The following USP40 variants were observed in gnomAD, a reference collection of about 807,000 sequenced individuals.
USP40 encodes the protein ubiquitin carboxyl-terminal hydrolase 40.
USP40 carries 143 observed loss-of-function variants against 166.2 expected under a neutral mutation model. That is an observed-to-expected ratio of 0.86 (90% CI 0.75 to 0.99). The LOEUF is 0.99. Ranked by LOEUF, USP40 falls within the 50% of genes least tolerant of loss-of-function variation. USP40 has a pLI of 0.00. For synonymous variants in USP40, 498 were observed against 524.0 expected, an observed-to-expected ratio of 0.95 and a Z score of 0.68; for missense variants, 1,444 against 1,479.7, an observed-to-expected ratio of 0.98 and a Z score of 0.40.
At chr2:233,524,956 T>G (rs1349449313) in intron 14 of USP40, among the ~76,000 whole-genome samples, 2 of 152,226 alleles carry the variant, frequency 1.3e-5, no homozygotes, top group East Asian at 3.8e-4. Flanking sequence ...TTTATGAAAA[T>G]CAAGTGAGAT....
At chr2:233,503,747 C>A (rs774564711) in intron 21 of USP40, among the ~76,000 whole-genome samples, 1 of 152,064 alleles carries the variant, frequency 6.6e-6, no homozygotes, top group Non-Finnish European at 1.5e-5. Flanking sequence ...ACCACTAGAC[C>A]AATCTTACAA....
chr2:233,557,952 C>T (rs2071244365), intron 4 of USP40, among the ~76,000 whole-genome samples: 1 of 131,786 alleles, frequency 7.6e-6, no homozygotes, highest in East Asian at 2.4e-4. Context: ...CTGCAGTGAG[C>T]TATGATCATG....
At chr2:233,548,458 G>A (rs906300115) in intron 8 of USP40, among the ~76,000 whole-genome samples, 1 of 152,046 alleles carries the variant, frequency 6.6e-6, no homozygotes, top group Non-Finnish European at 1.5e-5. Flanking sequence ...TTCAATAATT[G>A]TCAGCTATAG....
intron 10 of USP40, among the ~76,000 whole-genome samples, chr2:233,539,980 C>T (rs1381159609): frequency 6.6e-6 from 1 of 151,882 alleles, no homozygotes; most frequent in East Asian, 1.9e-4. Flanking sequence ...CAAAAATTAG[C>T]TAGGTGCAGT....
chr2:233,551,180 G>A (rs2070519134), intron 7 of USP40, among the ~76,000 whole-genome samples, 196 bp downstream of exon 7: 2 of 152,196 alleles, frequency 1.3e-5, no homozygotes, highest in African/African-American at 4.8e-5. Context: ...CTGTCATCCA[G>A]TAGGTAGAGG....
chr2:233,515,837 G>A (rs1174410776), intron 18 of USP40, among the ~76,000 whole-genome samples: 1 of 152,082 alleles, frequency 6.6e-6, no homozygotes, highest in Non-Finnish European at 1.5e-5. Context: ...ACTTTTAGTT[G>A]TATGATCCAT....
chr2:233,510,177 T>G, intron 20 of USP40, 42 bp from the exon 21 acceptor site: 1 of 1,434,470 alleles, frequency 7.0e-7, no homozygotes, highest in Non-Finnish European at 9.6e-7. Context: ...TAATCTGAAT[T>G]TAAAAATCCA....
Position 233,493,381 on chromosome 2 carries a change from CTCTT to C in USP40, c.2917+40_2917+43del, listed in dbSNP as rs747592624. ...CAGAGCACAGGCAGTCAATTTACTT[CTCTT>C]TATGATGCACTGGCTGCTGAAATCC... On this transcript the variant is annotated intron_variant, in intron 25 of 31. Transcript: ENST00000678225. The surrounding 1 kb of genome is among the most constrained non-coding windows in gnomAD (Gnocchi z 4.7). 6 of 1,613,624 alleles carry C rather than the reference CTCTT, an allele frequency of 3.7e-6. No individual in the cohort carries two copies. The South Asian group carries it at 6.6e-5, about 18-fold the overall frequency.
chr2:233,510,198 T>A, intron 20 of USP40, 63 bp from the exon 21 acceptor site: 13 of 1,296,048 alleles, frequency 1.0e-5, no homozygotes, highest in Non-Finnish European at 1.4e-5. Flanking sequence ...ATAAATGTAT[T>A]ATTTACTTTC....
At chr2:233,500,331 C>A (rs758956424) in intron 21 of USP40, among the ~76,000 whole-genome samples, 20 of 152,190 alleles carry the variant, frequency 1.3e-4, no homozygotes, top group Admixed American at 2.0e-4. Flanking sequence ...TCTCTCTTCT[C>A]TTTATGACTG....
chr2:233,556,124 A>T (rs1011995448), intron 5 of USP40, among the ~76,000 whole-genome samples: 19 of 151,996 alleles, frequency 1.3e-4, no homozygotes, highest in African/African-American at 2.4e-5. Flanking sequence ...TCAAAAAAAA[A>T]AAAAAAGAAA....
chr2:233,511,814 T>C lies in USP40; in HGVS notation c.2438-17A>G. On this transcript the variant is annotated splice_polypyrimidine_tract_variant and intron_variant, in intron 19 of 31. Coordinates refer to ENST00000678225, the MANE Select transcript of USP40 (RefSeq NM_001365479.2). The stretch of plus-strand genomic sequence containing the variant: ...TGTCCGGCACTTAAAAAAATTTTGA[T>C]AATATGATGAAGGTTATTAATTCCT... The C allele has an allele frequency of 6.3e-7, 1 of 1,581,568 alleles. No individual in the cohort carries two copies. Among genetic ancestry groups the C allele is most frequent in the Non-Finnish European group, 8.6e-7 (1 of 1,160,720 alleles).
At chr2:233,551,336 GA>G (rs1559279718) in intron 7 of USP40, 39 bp downstream of exon 7, 1 of 1,558,906 alleles carries the variant, frequency 6.4e-7, no homozygotes, top group Non-Finnish European at 8.6e-7. Context: ...TCAATCTTGA[GA>G]GGGGAAAAGA....
intron 8 of USP40, chr2:233,546,589 GA>G: frequency 6.6e-6 from 1 of 152,384 alleles, no homozygotes. Flanking sequence ...CGGCAATATT[GA>G]AAAAGGTCAC....
At chr2:233,501,038 G>A (rs2066045058) in intron 21 of USP40, among the ~76,000 whole-genome samples, 1 of 151,990 alleles carries the variant, frequency 6.6e-6, no homozygotes, top group Non-Finnish European at 1.5e-5. Context: ...CAAAAAATAA[G>A]GCTTTAAAAT....
chr2:233,477,537 G>A (rs752464397), intron 31 of USP40, 34 bp from the exon 32 acceptor site: 13 of 1,575,476 alleles, frequency 8.3e-6, no homozygotes, highest in Non-Finnish European at 1.1e-5. Context: ...TTGACTCATG[G>A]ATGCAGTGGG....
chr2:233,515,284 A>G (rs928300496), intron 18 of USP40, among the ~76,000 whole-genome samples: 1 of 152,222 alleles, frequency 6.6e-6, no homozygotes, highest in Admixed American at 6.5e-5. Context: ...GTTTAAATTT[A>G]TAAGAAATAA....
At chr2:233,538,592 C>T (rs1040580739) in intron 10 of USP40, among the ~76,000 whole-genome samples, 8 of 152,158 alleles carry the variant, frequency 5.3e-5, no homozygotes, top group African/African-American at 1.7e-4. Flanking sequence ...TGAACAAATT[C>T]CTTAAAAACC....
At chr2:233,542,942 T>C (rs2125320673) in intron 8 of USP40, among the ~76,000 whole-genome samples, 1 of 152,352 alleles carries the variant, frequency 6.6e-6, no homozygotes, top group East Asian at 1.9e-4. Context: ...ATGTTGAGTT[T>C]TCATTAAAAT....
Sources: allele counts gnomAD v4.1 joint callset (sites outside exome capture counted in the v4.1 genomes callset), GRCh38; gene constraint gnomAD v4.1.1; non-coding constraint Gnocchi (gnomAD v3.1); transcripts MANE v1.5; gene names NCBI Gene and HGNC (gene_info 2026-07-23, HGNC 2026-07-21).